Variants in ZBTB44 observed in about 807,000 individuals in gnomAD.
ZBTB44 encodes the protein zinc finger and BTB domain-containing protein 44.
A neutral mutation model predicts 54.0 loss-of-function variants in ZBTB44; 15 were observed. The ratio of observed to expected loss-of-function variants is 0.28; its 90% CI spans 0.19 to 0.43. ZBTB44 has a LOEUF of 0.43. ZBTB44 is among the 20% of genes least tolerant of loss of function. The probability of loss-of-function intolerance (pLI) is 1.00; values close to 1 mark genes in which losing one functional copy is unlikely to be tolerated. For missense variants in ZBTB44, 487 were observed against 707.1 expected, an observed-to-expected ratio of 0.69 and a Z score of 3.53; for synonymous variants, 230 against 250.1, an observed-to-expected ratio of 0.92 and a Z score of 0.76.
chr11:130,276,420 T>C (rs1366091991), intron 1 of ZBTB44, among the ~76,000 whole-genome samples: 1 of 151,074 alleles, frequency 6.6e-6, no homozygotes, highest in Non-Finnish European at 1.5e-5. Flanking sequence ...CTTTTAATTT[T>C]CTATACGTTT....
At chr11:130,260,750 C>T (rs1266242470) in intron 2 of ZBTB44, 106 bp downstream of exon 2, 9 of 1,290,738 alleles carry the variant, frequency 7.0e-6, no homozygotes, top group Non-Finnish European at 9.3e-6. Context: ...TTTTACTCTT[C>T]TTTATATTTC....
intron 1 of ZBTB44, among the ~76,000 whole-genome samples, chr11:130,263,983 C>A (rs1022147186): frequency 3.9e-5 from 6 of 152,168 alleles, no homozygotes; most frequent in African/African-American, 1.4e-4. Flanking sequence ...TATCTCCCAA[C>A]AGTATATAAA....
chr11:130,248,171 T>C (rs1937683788), intron 2 of ZBTB44, among the ~76,000 whole-genome samples: 1 of 152,248 alleles, frequency 6.6e-6, no homozygotes, highest in African/African-American at 2.4e-5. Context: ...AATACTCTTA[T>C]GGAACTTACA....
chr11:130,280,274 C>T (rs112823004), intron 1 of ZBTB44, among the ~76,000 whole-genome samples: 4 of 152,206 alleles, frequency 2.6e-5, no homozygotes, highest in African/African-American at 7.2e-5. Flanking sequence ...ACCATGATCT[C>T]AATGTAGTCT....
At chr11:130,304,278 C>T (rs1366592577) in intron 1 of ZBTB44, among the ~76,000 whole-genome samples, 1 of 151,996 alleles carries the variant, frequency 6.6e-6, no homozygotes, top group Non-Finnish European at 1.5e-5. Context: ...TGTGGTAGCA[C>T]TTAAAAAGCA....
At chr11:130,258,581 T>C (rs1938613002) in intron 2 of ZBTB44, among the ~76,000 whole-genome samples, 1 of 152,208 alleles carries the variant, frequency 6.6e-6, no homozygotes, top group Non-Finnish European at 1.5e-5. Context: ...AGTTGCATAC[T>C]CAATATCCAT....
intron 2 of ZBTB44, among the ~76,000 whole-genome samples, chr11:130,243,704 C>T (rs530196059): frequency 7.2e-5 from 11 of 152,218 alleles, no homozygotes; most frequent in Middle Eastern, 3.4e-3. Context: ...GGAATGGAGC[C>T]GCTAGGTCAC....
intron 1 of ZBTB44, chr11:130,296,191 A>G (rs556778899): frequency 1.5e-6 from 2 of 1,325,680 alleles, no homozygotes; most frequent in East Asian, 2.3e-5. Flanking sequence ...CTCTGAAAAA[A>G]GGAGCCATTG....
chr11:130,233,279 G>A (rs1431912047), intron 7 of ZBTB44, 29 bp downstream of exon 7: 14 of 1,491,826 alleles, frequency 9.4e-6, no homozygotes, highest in African/African-American at 8.4e-5. Context: ...AGTATGAGAA[G>A]AGTTCCTATG....
Position 130,238,617 on chromosome 11 carries a change from AC to A in ZBTB44, c.1104-11del. 6.2e-7 allele frequency: 1 copy of A among 1,607,346 alleles called. No homozygotes were observed. Among genetic ancestry groups the A allele is most frequent in the Non-Finnish European group, 8.5e-7 (1 of 1,177,196 alleles). The stretch of plus-strand genomic sequence containing the variant: ...CTGAACATTTTCCAATCTAAAAAAA[AC>A]AGACCAAAGAAGGCAACCAGGCTCT... On this transcript the variant is annotated splice_polypyrimidine_tract_variant and intron_variant, in intron 3 of 7. Transcript: ENST00000357899.
intron 3 of ZBTB44, 158 bp from the exon 4 acceptor site, chr11:130,238,765 A>G: frequency 1.2e-6 from 1 of 803,194 alleles, no homozygotes; most frequent in South Asian, 2.5e-5. Flanking sequence ...CAATATGAAA[A>G]ACAATGTTAA....
Position 130,295,882 on chromosome 11 carries a change from G to A in ZBTB44, c.-57+18493C>T, listed in dbSNP as rs191573506. The A allele has an allele frequency of 4.5e-4, 653 of 1,452,016 alleles. 5 individuals are homozygous for A. The East Asian group carries it at 0.013, about 29-fold the overall frequency. 89.9% of individuals were successfully genotyped at this position (1,452,016 alleles called of 1,614,324 possible). The stretch of plus-strand genomic sequence containing the variant: ...TCTTAAGGAGCTAAAGACTCACCAC[G>A]TGCATACCTATGGGTTGATAATGGG... On this transcript the variant is annotated intron_variant, in intron 1 of 7. Transcript: ENST00000357899.
intron 2 of ZBTB44, among the ~76,000 whole-genome samples, chr11:130,249,782 C>T (rs570927652): frequency 3.3e-5 from 5 of 152,220 alleles, no homozygotes; most frequent in Admixed American, 6.5e-5. Context: ...GAGATTCCCT[C>T]GTGTGCTACA....
chr11:130,252,510 G>A (rs1235267656), intron 2 of ZBTB44, among the ~76,000 whole-genome samples: 1 of 152,114 alleles, frequency 6.6e-6, no homozygotes, highest in South Asian at 2.1e-4. Flanking sequence ...TTCTAAAATA[G>A]ACCACATAAT....
chr11:130,255,825 C>A (rs1938386099), intron 2 of ZBTB44, among the ~76,000 whole-genome samples: 1 of 151,424 alleles, frequency 6.6e-6, no homozygotes, highest in South Asian at 2.1e-4. Context: ...TATACACCCT[C>A]CCAAGACTAA....
intron 7 of ZBTB44, chr11:130,232,313 A>C (rs1273709794): frequency 6.6e-6 from 1 of 151,822 alleles, no homozygotes; most frequent in Non-Finnish European, 1.5e-5. Flanking sequence ...ATAATTATTA[A>C]ACTTTGGGTA....
intron 1 of ZBTB44, among the ~76,000 whole-genome samples, chr11:130,266,766 T>C (rs1022999596): frequency 1.2e-4 from 18 of 152,184 alleles, no homozygotes; most frequent in South Asian, 2.1e-4. Context: ...TGCTGCAATC[T>C]CATGATAAAA....
chr11:130,299,971 T>G (rs1392490873), intron 1 of ZBTB44, among the ~76,000 whole-genome samples: 1 of 152,206 alleles, frequency 6.6e-6, no homozygotes, highest in Non-Finnish European at 1.5e-5. Context: ...GGAATATTAT[T>G]CAGCCTTAAA....
intron 2 of ZBTB44, among the ~76,000 whole-genome samples, chr11:130,250,547 C>T (rs952743970): frequency 1.3e-4 from 20 of 152,220 alleles, no homozygotes; most frequent in Middle Eastern, 3.4e-3. Context: ...GGCATCAGGC[C>T]GGTGCCCCTC....
Sources: gnomAD v4.1 joint callset for allele counts (sites outside exome capture counted in the v4.1 genomes callset) on GRCh38, gnomAD v4.1.1 for gene constraint, MANE v1.5 for transcripts, NCBI Gene and HGNC (gene_info 2026-07-23, HGNC 2026-07-21) for gene names.